TENT5D: variants seen among roughly 807,000 people sequenced by gnomAD.
TENT5D encodes terminal nucleotidyltransferase 5D, also known as cancer/testis antigen 112.
For synonymous variants in TENT5D, 103 were observed against 100.6 expected, an observed-to-expected ratio of 1.02 and a Z score of -0.15; for missense variants, 191 against 287.0, an observed-to-expected ratio of 0.67 and a Z score of 2.42.
At chrX:80,409,124 A>G (rs1261519775) in intron 3 of TENT5D, among the ~76,000 whole-genome samples, 1 of 109,331 alleles carries the variant, frequency 9.1e-6, no homozygotes, top group Non-Finnish European at 1.9e-5. Flanking sequence ...TATCTATGAC[A>G]AACCCACAGC....
chrX:80,370,159 C>T (rs1930596065), intron 3 of TENT5D, among the ~76,000 whole-genome samples: 1 of 109,314 alleles, frequency 9.1e-6, no homozygotes, highest in Non-Finnish European at 1.9e-5. Context: ...CCATGCTGGT[C>T]TCGAACTCCT....
intron 3 of TENT5D, among the ~76,000 whole-genome samples, chrX:80,356,393 A>G (rs940189782): frequency 8.9e-6 from 1 of 111,865 alleles, no homozygotes; most frequent in African/African-American, 3.2e-5. Flanking sequence ...CGAGTGTAAA[A>G]TAGTCTCTTA....
At chrX:80,377,805 C>T (rs1261568786) in intron 3 of TENT5D, among the ~76,000 whole-genome samples, 3 of 111,921 alleles carry the variant, frequency 2.7e-5, no homozygotes, top group Admixed American at 9.5e-5. Flanking sequence ...CTTGAGGAAT[C>T]GCCACACTGT....
At chrX:80,370,078 A>C (rs1930593580) in intron 3 of TENT5D, among the ~76,000 whole-genome samples, 1 of 109,061 alleles carries the variant, frequency 9.2e-6, no homozygotes, top group Non-Finnish European at 1.9e-5. Flanking sequence ...ACGTGCCACC[A>C]CACCCAACTA....
chrX:80,404,460 CTTGT>C (rs1569367808), intron 3 of TENT5D, among the ~76,000 whole-genome samples: 2 of 111,308 alleles, frequency 1.8e-5, no homozygotes, highest in Non-Finnish European at 3.8e-5. Context: ...CCGAGAAAAC[CTTGT>C]TTATCTGACA....
chrX:80,399,003 G>A (rs1459576870), intron 3 of TENT5D, among the ~76,000 whole-genome samples: 1 of 111,495 alleles, frequency 9.0e-6, no homozygotes, highest in Non-Finnish European at 1.9e-5. Flanking sequence ...TATATATTTT[G>A]GACAATAATC....
chrX:80,347,813 A>AT (rs1488581054), intron 3 of TENT5D, among the ~76,000 whole-genome samples: 1 of 112,120 alleles, frequency 8.9e-6, no homozygotes, highest in Non-Finnish European at 1.9e-5. Flanking sequence ...CAGGTTTTAC[A>AT]TTTAAGTCTT....
intron 3 of TENT5D, among the ~76,000 whole-genome samples, chrX:80,375,166 G>C (rs776957218): frequency 9.1e-6 from 1 of 110,443 alleles, no homozygotes; most frequent in Non-Finnish European, 1.9e-5. Context: ...CTTCATCTCT[G>C]TTACCCATTT....
chrX:80,405,972 A>AC (rs1435532655), intron 3 of TENT5D, among the ~76,000 whole-genome samples: 21 of 107,909 alleles, frequency 1.9e-4, no homozygotes, highest in Non-Finnish European at 3.5e-4. Context: ...ACTGGGAGGC[A>AC]CCCCCCAGCA....
At chrX:80,371,460 ACTT>A (rs1930623433) in intron 3 of TENT5D, among the ~76,000 whole-genome samples, 1 of 111,943 alleles carries the variant, frequency 8.9e-6, no homozygotes, top group Non-Finnish European at 1.9e-5. Context: ...CTAGGCACTG[ACTT>A]CTCTTCTACA....
chrX:80,353,113 C>T (rs184466592), intron 3 of TENT5D, among the ~76,000 whole-genome samples: 7 of 112,330 alleles, frequency 6.2e-5, no homozygotes, highest in Non-Finnish European at 1.1e-4. Context: ...TGGAGCTGTT[C>T]CTATTCTGCC....
intron 3 of TENT5D, among the ~76,000 whole-genome samples, chrX:80,364,791 C>T (rs1930474288): frequency 1.8e-5 from 2 of 110,223 alleles, no homozygotes; most frequent in Non-Finnish European, 3.8e-5. Flanking sequence ...CTGATCTACC[C>T]TACCCACAAT....
chrX:80,388,465 C>T (rs1931064592), intron 3 of TENT5D, among the ~76,000 whole-genome samples: 1 of 111,359 alleles, frequency 9.0e-6, no homozygotes, highest in African/African-American at 3.3e-5. Flanking sequence ...ATTAATCCTG[C>T]TAGGACAGGG....
At chrX:80,387,512 C>G (rs1931041707) in intron 3 of TENT5D, among the ~76,000 whole-genome samples, 1 of 112,307 alleles carries the variant, frequency 8.9e-6, no homozygotes, top group Non-Finnish European at 1.9e-5. Flanking sequence ...TATGTACCAG[C>G]TTGCTGGTCT....
At chrX:80,402,102 A>G (rs192646290) in intron 3 of TENT5D, among the ~76,000 whole-genome samples, 10 of 110,909 alleles carry the variant, frequency 9.0e-5, no homozygotes, top group African/African-American at 2.9e-4. Flanking sequence ...AAGATATTCT[A>G]TATTTTTCGG....
At chrX:80,346,503 A>G (rs748164836) in intron 3 of TENT5D, among the ~76,000 whole-genome samples, 1 of 111,280 alleles carries the variant, frequency 9.0e-6, no homozygotes, top group Non-Finnish European at 1.9e-5. Context: ...GGCACTGAGT[A>G]TTGTCATTAT....
chrX:80,336,245 C>A (rs1371266578), intron 2 of TENT5D, among the ~76,000 whole-genome samples: 7 of 110,850 alleles, frequency 6.3e-5, no homozygotes, highest in Admixed American at 4.8e-4. Flanking sequence ...GGATAAGTTT[C>A]TTTTTATCTT....
chrX:80,380,240 T>G (rs1930830553), intron 3 of TENT5D, among the ~76,000 whole-genome samples: 1 of 110,161 alleles, frequency 9.1e-6, no homozygotes, highest in Non-Finnish European at 1.9e-5. Flanking sequence ...CAGGAGCAGG[T>G]TGTTCAGTTT....
At chrX:80,406,191 A>G (rs371632203) in intron 3 of TENT5D, among the ~76,000 whole-genome samples, 5 of 112,120 alleles carry the variant, frequency 4.5e-5, no homozygotes, top group Non-Finnish European at 9.4e-5. Flanking sequence ...AACGCAGAGC[A>G]CCTCTCCTCC....
Sources: gnomAD v4.1 joint callset for allele counts (sites outside exome capture counted in the v4.1 genomes callset) on GRCh38, gnomAD v4.1.1 for gene constraint, MANE v1.5 for transcripts, NCBI Gene and HGNC (gene_info 2026-07-23, HGNC 2026-07-21) for gene names.